Variants in SLC5A4 observed in about 807,000 individuals in gnomAD.
SLC5A4 encodes probable glucose sensor protein SLC5A4.
A neutral mutation model predicts 70.3 loss-of-function variants in SLC5A4; 55 were observed. The observed-to-expected ratio is 0.78, with a 90% CI of 0.63 to 0.98. The LOEUF (loss-of-function observed/expected upper bound fraction) is 0.98, where lower values mean the gene tolerates loss of function less well. SLC5A4 is among the 50% of genes least tolerant of loss of function. SLC5A4 has a pLI of 0.00. For missense variants in SLC5A4, 735 were observed against 839.2 expected (o/e 0.88, Z 1.53); for synonymous variants, 268 against 305.7 (o/e 0.88, Z 1.29).
At chr22:32,316,971 A>T in the SLC5A4 span, among the ~76,000 whole-genome samples, 103 of 124,840 alleles carry the variant, frequency 8.3e-4, 1 homozygote, top group African/African-American at 3.3e-3. Flanking sequence ...TGTAAAACAC[A>T]GTCTACCTTC....
At chr22:32,232,160 C>T (rs914905487) in intron 9 of SLC5A4, among the ~76,000 whole-genome samples, 17 of 152,172 alleles carry the variant, frequency 1.1e-4, no homozygotes, top group Non-Finnish European at 2.9e-5. Context: ...AGGTTACAGG[C>T]GTGAGCATTC....
chr22:32,264,508 T>G, the SLC5A4 span, among the ~76,000 whole-genome samples: 4 of 152,000 alleles, frequency 2.6e-5, no homozygotes, highest in Non-Finnish European at 5.9e-5. Context: ...GTAGTTAACG[T>G]TACAGTAAGC....
At chr22:32,315,939 C>T in the SLC5A4 span, among the ~76,000 whole-genome samples, 4 of 151,864 alleles carry the variant, frequency 2.6e-5, no homozygotes, top group South Asian at 2.1e-4. Flanking sequence ...GAGGCCAAGG[C>T]AGGTAGATCA....
At chr22:32,323,263 C>T in the SLC5A4 span, among the ~76,000 whole-genome samples, 1 of 152,188 alleles carries the variant, frequency 6.6e-6, no homozygotes, top group Non-Finnish European at 1.5e-5. Flanking sequence ...CCCTCCCCTG[C>T]ATGCTTTTCA....
chr22:32,264,401 C>T, the SLC5A4 span, among the ~76,000 whole-genome samples: 1 of 151,912 alleles, frequency 6.6e-6, no homozygotes, highest in Admixed American at 6.6e-5. Flanking sequence ...GGTGAGACCC[C>T]CATCTCTACA....
the SLC5A4 span, among the ~76,000 whole-genome samples, chr22:32,328,252 G>A: frequency 2.0e-5 from 3 of 152,146 alleles, no homozygotes; most frequent in Non-Finnish European, 4.4e-5. Flanking sequence ...CCTGTGGTAT[G>A]CAGCCCTAAG....
At chr22:32,347,145 T>C in the SLC5A4 span, among the ~76,000 whole-genome samples, 1 of 152,044 alleles carries the variant, frequency 6.6e-6, no homozygotes, top group Non-Finnish European at 1.5e-5. Flanking sequence ...CAAATCAAAA[T>C]CACAATGAGA....
the SLC5A4 span, among the ~76,000 whole-genome samples, chr22:32,310,167 AGTGACCT>A: frequency 1.3e-5 from 2 of 152,066 alleles, no homozygotes; most frequent in Non-Finnish European, 2.9e-5. Flanking sequence ...TCTGTTTGGC[AGTGACCT>A]GTGACCTTAG....
the SLC5A4 span, among the ~76,000 whole-genome samples, chr22:32,282,740 G>T: frequency 2.0e-5 from 3 of 152,292 alleles, no homozygotes; most frequent in African/African-American, 7.2e-5. Context: ...CTCCCTGTCT[G>T]GGTTGGTGGC....
At chr22:32,327,330 A>C in the SLC5A4 span, 6 of 152,436 alleles carry the variant, frequency 3.9e-5, no homozygotes, top group Admixed American at 2.0e-4. Flanking sequence ...GGCTGGGGCC[A>C]AGATGGGAAC....
At chr22:32,353,328 A>T in the SLC5A4 span, among the ~76,000 whole-genome samples, 1 of 151,788 alleles carries the variant, frequency 6.6e-6, no homozygotes, top group Non-Finnish European at 1.5e-5. Flanking sequence ...GCCTCCACCC[A>T]CGGGGCCCTA....
the SLC5A4 span, among the ~76,000 whole-genome samples, chr22:32,329,835 C>G: frequency 3.9e-5 from 1 of 25,656 alleles, no homozygotes; most frequent in Non-Finnish European, 6.2e-5. Context: ...GTTGGGGGCT[C>G]TGGTGTGTGT....
At chr22:32,255,392 T>C (rs1927426282), upstream of SLC5A4, 5 of 1,575,682 alleles carry the variant, frequency 3.2e-6, no homozygotes, top group Middle Eastern at 3.6e-4. Flanking sequence ...TCTGGGTTAA[T>C]GATCAGCCTC....
chr22:32,312,257 A>G, the SLC5A4 span, among the ~76,000 whole-genome samples: 1 of 152,092 alleles, frequency 6.6e-6, no homozygotes, highest in African/African-American at 2.4e-5. Context: ...GACACGGATG[A>G]GAACCCCCAG....
At chr22:32,274,872 C>T in the SLC5A4 span, among the ~76,000 whole-genome samples, 2 of 152,198 alleles carry the variant, frequency 1.3e-5, no homozygotes, top group Non-Finnish European at 2.9e-5. Context: ...TTTCTTAAAA[C>T]TGAAAAAGAT....
chr22:32,308,635 G>A, the SLC5A4 span, among the ~76,000 whole-genome samples: 6 of 152,268 alleles, frequency 3.9e-5, no homozygotes, highest in Admixed American at 1.3e-4. Flanking sequence ...TTCAGCTCTG[G>A]GACACATTTG....
chr22:32,325,319 G>A, the SLC5A4 span, among the ~76,000 whole-genome samples: 11 of 152,238 alleles, frequency 7.2e-5, no homozygotes, highest in Non-Finnish European at 1.5e-4. Flanking sequence ...GCAGACCCAC[G>A]CTGTGTCAGT....
chr22:32,289,521 C>T, the SLC5A4 span, among the ~76,000 whole-genome samples: 4,822 of 152,288 alleles, frequency 0.032, 84 homozygotes, highest in African/African-American at 0.049. Flanking sequence ...GAGTTTCGCT[C>T]TTGTTGCTGG....
At chr22:32,333,313 T>C in the SLC5A4 span, among the ~76,000 whole-genome samples, 4 of 151,640 alleles carry the variant, frequency 2.6e-5, no homozygotes, top group Non-Finnish European at 5.9e-5. Flanking sequence ...TTTTAGAGGA[T>C]GGGGAGAGGC....
Sources: allele counts gnomAD v4.1 joint callset (sites outside exome capture counted in the v4.1 genomes callset), GRCh38; gene constraint gnomAD v4.1.1; transcripts MANE v1.5; gene names NCBI Gene and HGNC (gene_info 2026-07-23, HGNC 2026-07-21).